MYO7A: variants seen among roughly 807,000 people sequenced by gnomAD.
MYO7A encodes the protein unconventional myosin-VIIa.
In MYO7A, 210 loss-of-function variants were observed where a neutral mutation model predicts 263.8. The ratio of observed to expected loss-of-function variants is 0.80; its 90% CI spans 0.71 to 0.89. The LOEUF is 0.89. Among genes scored for constraint, MYO7A ranks in the 40% least tolerant of loss-of-function variants. The pLI is 0.00. For synonymous variants in MYO7A, 1,239 were observed against 1,197.3 expected, an observed-to-expected ratio of 1.03 and a Z score of -0.72; for missense variants, 2,820 against 2,968.3, an observed-to-expected ratio of 0.95 and a Z score of 1.16.
chr11:77,205,669 C>T lies in MYO7A; in HGVS notation c.5636+52C>T, dbSNP rs55781716. The T allele has an allele frequency of 6.9e-3, 11,025 of 1,605,298 alleles. 51 individuals are homozygous for T. Among genetic ancestry groups the T allele is most frequent in the Middle Eastern group, 0.016 (99 of 6,042 alleles). On this transcript the variant is annotated intron_variant, in intron 40 of 48. Coordinates refer to ENST00000409709, the MANE Select transcript of MYO7A (RefSeq NM_000260.4). ...AGACACTGGGGCGGGCTCCTGGCCA[C>T]GCGGGGCTTGTGGGATGAGCCCCTT...
At chr11:77,183,739 C>T (rs545429688) in intron 26 of MYO7A, among the ~76,000 whole-genome samples, 3 of 152,176 alleles carry the variant, frequency 2.0e-5, no homozygotes, top group South Asian at 4.1e-4. Context: ...GTCCCTCTGC[C>T]TGAAACTCCT....
intron 6 of MYO7A, 21 bp downstream of exon 6, chr11:77,156,802 G>T (rs1591269571): frequency 6.2e-7 from 1 of 1,613,952 alleles, no homozygotes. Context: ...AGTTCCGAGG[G>T]TGGGACCAGG....
In MYO7A at chr11:77,194,434, C is replaced by A. The variant is rs769755918; in HGVS notation, c.4233C>A (p.Asn1411Lys). 1 of 1,611,984 alleles carries A rather than the reference C, an allele frequency of 6.2e-7. No homozygotes were observed. The highest frequency in any genetic ancestry group is 8.5e-7 in the Non-Finnish European group (1 of 1,179,108). Reference protein sequence around the residue: ...GSEMILERLLNLVPTYIPDRE... With the variant: ...GSEMILERLLKLVPTYIPDRE... The stretch of plus-strand genomic sequence containing the variant: ...AGATGATCCTGGAGCGCCTCCTGAA[C>A]CTCGTGCCCACCTACATCCCCGACC... The change falls in exon 32 of 49, where the codon AAC becomes AAA. Residue 1411 changes from asparagine to lysine, a missense_variant. Physicochemically the swap from Asn to Lys is moderately conservative, Grantham distance 94. Coordinates refer to ENST00000409709, the MANE Select transcript of MYO7A (RefSeq NM_000260.4).
rs782608013 is a variant in MYO7A at position 77,181,486 on chromosome 11, A to G, written c.2801A>G (p.His934Arg). Residue 934 changes from histidine (H) to arginine (R), a missense_variant, in exon 23 of 49, where the codon CAT becomes CGT. By Grantham distance (29) the His-to-Arg change is conservative. Coordinates refer to ENST00000409709, the MANE Select transcript of MYO7A (RefSeq NM_000260.4). ...CTGGAGCAGATGGAAAGGGCCCGCC[A>G]TGAGCCTGTCAATCACTCAGACATG... ...ELLEQMERAR[H>R]EPVNHSDMVD... 54 of 1,613,180 alleles carry G rather than the reference A, an allele frequency of 3.3e-5. No homozygotes were observed. Among genetic ancestry groups the G allele is most frequent in the Non-Finnish European group, 4.6e-5 (54 of 1,179,796 alleles).
chr11:77,170,351 A>C (rs1953968858), intron 15 of MYO7A, among the ~76,000 whole-genome samples: 1 of 152,190 alleles, frequency 6.6e-6, no homozygotes, highest in Admixed American at 6.5e-5. Context: ...CTATGCCTGC[A>C]TCCCAGGTGC....
At chr11:77,171,354 C>T (rs557962553) in intron 15 of MYO7A, among the ~76,000 whole-genome samples, 12 of 152,264 alleles carry the variant, frequency 7.9e-5, no homozygotes, top group East Asian at 5.8e-4. Flanking sequence ...CGGGGTCACC[C>T]GGTGCTGCTG....
At position 77,197,279 on chromosome 11, in the gene MYO7A, A is replaced by G. The variant is rs12421897; in HGVS notation, c.4324-202A>G. Among the ~76,000 whole-genome samples the G allele has an allele frequency of 0.58, 88,130 of 151,452 alleles. 26,047 individuals are homozygous for G. Among genetic ancestry groups the G allele is most frequent in the African/African-American group, 0.68 (27,884 of 41,226 alleles). ...GCCCCAGCACCTGCATAGAGCTGGCACTCAAAAGTGCTCGCCGATGTTGAC... is the reference window on the plus strand; with the variant it reads ...GCCCCAGCACCTGCATAGAGCTGGCGCTCAAAAGTGCTCGCCGATGTTGAC... On this transcript the variant is annotated intron_variant, in intron 32 of 48. Coordinates refer to ENST00000409709, the MANE Select transcript of MYO7A (RefSeq NM_000260.4).
intron 12 of MYO7A, among the ~76,000 whole-genome samples, chr11:77,161,681 T>C (rs192228721): frequency 1.3e-3 from 198 of 152,344 alleles, no homozygotes; most frequent in African/African-American, 4.5e-3. Context: ...CGGCCATGTC[T>C]GCAGCCAGGG....
chr11:77,183,005 G>C (rs1353776106), intron 25 of MYO7A, 63 bp from the exon 26 acceptor site: 7 of 1,389,032 alleles, frequency 5.0e-6, no homozygotes, highest in Non-Finnish European at 7.0e-6. Context: ...AAGTCTTGCT[G>C]TCGGGGGTCT....
chr11:77,199,267 A>G (rs182947395), intron 34 of MYO7A, among the ~76,000 whole-genome samples: 23 of 152,344 alleles, frequency 1.5e-4, no homozygotes, highest in Admixed American at 1.0e-3. Context: ...ACAGACATTG[A>G]ATAGGCCATT....
intron 46 of MYO7A, 82 bp from the exon 47 acceptor site, chr11:77,212,870 C>A: frequency 8.7e-7 from 1 of 1,143,446 alleles, no homozygotes; most frequent in Non-Finnish European, 1.3e-6. Context: ...TTTATCCCAG[C>A]TGGGGCCAGG....
chr11:77,208,591 C>G, intron 43 of MYO7A, 74 bp downstream of exon 43: 15 of 1,527,070 alleles, frequency 9.8e-6, no homozygotes, highest in Non-Finnish European at 1.3e-5. Context: ...TGCCGTGAGG[C>G]CCACCTAGGC....
chr11:77,155,504 G>A (rs879953951), intron 4 of MYO7A, among the ~76,000 whole-genome samples: 5 of 152,276 alleles, frequency 3.3e-5, no homozygotes, highest in South Asian at 4.1e-4. Flanking sequence ...GATTAATTTC[G>A]CTCTAAAAGT....
Position 77,205,481 on chromosome 11 carries a change from T to C in MYO7A, c.5500T>C (p.Trp1834Arg). ...CTGCAGGTACAGCGAGGAGCGGGGT[T>C]GGGAGCTGCTCTGGCTGTGCACGGG... ...NHIRYSEERG[W>R]ELLWLCTGLF... The change falls in exon 40 of 49, where the codon TGG becomes CGG. Residue 1834 changes from tryptophan to arginine, a missense_variant. Transcript: ENST00000409709. The C allele has an allele frequency of 6.3e-7, 1 of 1,582,156 alleles. No individual in the cohort carries two copies. The highest frequency in any genetic ancestry group is 1.2e-5 in the South Asian group (1 of 86,306).
At chr11:77,214,153 G>A (rs1958026133) in intron 48 of MYO7A, among the ~76,000 whole-genome samples, 174 bp downstream of exon 48, 1 of 152,188 alleles carries the variant, frequency 6.6e-6, no homozygotes, top group Admixed American at 6.5e-5. Context: ...TCTGGGGAAG[G>A]GACTTAATCT....
chr11:77,211,103 C>T, intron 44 of MYO7A, 49 bp from the exon 45 acceptor site: 3 of 1,476,738 alleles, frequency 2.0e-6, no homozygotes, highest in Non-Finnish European at 2.7e-6. Context: ...GAAAGGAGCC[C>T]ACTTCTGCCA....
intron 1 of MYO7A, among the ~76,000 whole-genome samples, chr11:77,129,954 T>C (rs1555045576): frequency 6.6e-6 from 1 of 151,676 alleles, no homozygotes; most frequent in African/African-American, 2.4e-5. Context: ...CAGATTGTGC[T>C]GGGCCTAGCG....
rs782726270 is a variant in MYO7A, at chr11:77,180,443, G to A, written c.2656G>A (p.Ala886Thr). ...AGAGAAGCTTCGGAAGGAGATGAGCGCCAAGAAGGCCAAGGAGGAGGCCGA... is the reference window on the plus strand; with the variant it reads ...AGAGAAGCTTCGGAAGGAGATGAGCACCAAGAAGGCCAAGGAGGAGGCCGA... The part of the protein sequence containing the change: ...EEEKLRKEMS[A>T]KKAKEEAERK... Residue 886 changes from alanine (A) to threonine (T), a missense_variant, in exon 22 of 49, where the codon GCC becomes ACC. Ala to Thr is a moderately conservative substitution (Grantham distance 58, BLOSUM62 0). Transcript: ENST00000409709. 78 of 1,612,266 alleles carry A rather than the reference G, an allele frequency of 4.8e-5. No homozygotes were observed. The highest frequency in any genetic ancestry group is 5.8e-5 in the Non-Finnish European group (69 of 1,179,792).
At chr11:77,160,930 G>A (rs1952933274) in intron 11 of MYO7A, 43 bp from the exon 12 acceptor site, 2 of 1,578,470 alleles carry the variant, frequency 1.3e-6, no homozygotes, top group East Asian at 2.3e-5. Flanking sequence ...TGTCCCCCGG[G>A]GGAGGGTGTG....
Sources: gnomAD v4.1 joint callset for allele counts (sites outside exome capture counted in the v4.1 genomes callset) on GRCh38, gnomAD v4.1.1 for gene constraint, MANE v1.5 for transcripts, NCBI Gene and HGNC (gene_info 2026-07-23, HGNC 2026-07-21) for gene names.